KIF26B: variants seen among roughly 807,000 people sequenced by gnomAD.
KIF26B encodes the protein kinesin-like protein KIF26B.
KIF26B carries 63 observed loss-of-function variants against 151.2 expected under a neutral mutation model. The ratio of observed to expected loss-of-function variants is 0.42; its 90% CI spans 0.34 to 0.51. The LOEUF (loss-of-function observed/expected upper bound fraction) is 0.51, where lower values mean the gene tolerates loss of function less well. Ranked by LOEUF, KIF26B falls within the 20% of genes least tolerant of loss-of-function variation. KIF26B has a pLI of 0.07. For synonymous variants in KIF26B, 1,357 were observed against 1,262.1 expected (o/e 1.08, Z -1.59); for missense variants, 2,813 against 2,913.6 (o/e 0.97, Z 0.79).
At chr1:245,388,121 G>C (rs893107576) in intron 3 of KIF26B, among the ~76,000 whole-genome samples, 1 of 152,110 alleles carries the variant, frequency 6.6e-6, no homozygotes, top group Non-Finnish European at 1.5e-5. Flanking sequence ...CGTGACAGAG[G>C]TGTTTTGGGT....
intron 12 of KIF26B, among the ~76,000 whole-genome samples, chr1:245,695,519 G>A (rs956289292): frequency 1.3e-5 from 2 of 152,126 alleles, no homozygotes; most frequent in Non-Finnish European, 2.9e-5. Flanking sequence ...AGAATTTTAC[G>A]AAAATCCAAG....
At chr1:245,437,222 G>T (rs1002094348) in intron 4 of KIF26B, among the ~76,000 whole-genome samples, 2 of 152,128 alleles carry the variant, frequency 1.3e-5, no homozygotes, top group Non-Finnish European at 2.9e-5. Flanking sequence ...GGCTACTGAG[G>T]TGTTGCACCT....
At chr1:245,575,913 A>G (rs538619689) in intron 5 of KIF26B, among the ~76,000 whole-genome samples, 1 of 152,142 alleles carries the variant, frequency 6.6e-6, no homozygotes, top group South Asian at 2.1e-4. Context: ...CCTGGCATTT[A>G]CTTAAGACAT....
chr1:245,447,396 T>C (rs567729187), intron 4 of KIF26B, among the ~76,000 whole-genome samples: 3 of 152,206 alleles, frequency 2.0e-5, no homozygotes, highest in Non-Finnish European at 2.9e-5. Context: ...AGGACTGCTA[T>C]GGTCTGAATG....
intron 2 of KIF26B, among the ~76,000 whole-genome samples, chr1:245,312,841 C>G (rs560919291): frequency 2.3e-4 from 35 of 152,106 alleles, no homozygotes; most frequent in Non-Finnish European, 4.7e-4. Context: ...ATAATAGTAT[C>G]TGCAAGAGAA....
chr1:245,427,598 G>A (rs1620939), intron 4 of KIF26B, among the ~76,000 whole-genome samples: 34,239 of 151,980 alleles, frequency 0.23, 4,019 homozygotes, highest in African/African-American at 0.25. Flanking sequence ...GCAAGGGTGA[G>A]ACTCTGTCTC....
intron 2 of KIF26B, among the ~76,000 whole-genome samples, chr1:245,202,652 C>T (rs1291887017): frequency 6.6e-6 from 1 of 150,594 alleles, no homozygotes; most frequent in Non-Finnish European, 1.5e-5. Flanking sequence ...CCCAGCTACT[C>T]AGGAGGCTGA....
chr1:245,217,204 A>G (rs1251372777), intron 2 of KIF26B, among the ~76,000 whole-genome samples: 1 of 152,142 alleles, frequency 6.6e-6, no homozygotes, highest in Non-Finnish European at 1.5e-5. Context: ...AAACAACAAC[A>G]ATGACAAGAA....
chr1:245,252,130 G>T (rs769307618), intron 2 of KIF26B, among the ~76,000 whole-genome samples: 5 of 151,700 alleles, frequency 3.3e-5, no homozygotes, highest in Admixed American at 1.3e-4. Flanking sequence ...CAAAAAATTA[G>T]CTGGATGTGG....
chr1:245,660,412 T>C (rs781665174), intron 10 of KIF26B, among the ~76,000 whole-genome samples: 2 of 109,554 alleles, frequency 1.8e-5, no homozygotes, highest in Non-Finnish European at 3.9e-5. Context: ...CATAGCTCAC[T>C]GCAGCCTTGA....
rs1553287299 is a variant in KIF26B, at chr1:245,552,122, G to GATGTGTGTGTGTGT, written c.1350+11172_1350+11173insATGTGTGTGTGTGT. Among the ~76,000 whole-genome samples the GATGTGTGTGTGTGT allele has an allele frequency of 8.6e-3, 1,136 of 131,694 alleles. 47 individuals are homozygous for GATGTGTGTGTGTGT. The highest frequency in any genetic ancestry group is 0.012 in the Non-Finnish European group (753 of 61,540). 86.4% of individuals were successfully genotyped at this position (131,694 alleles called of 152,430 possible). ...TTCTCCAGAGAAACAGAACCAGCAG[G>GATGTGTGTGTGTGT]GTGTGTGTGTGTGTGTGTGTGTGTG... On this transcript the variant is annotated intron_variant, in intron 5 of 14. Transcript: ENST00000407071.
intron 10 of KIF26B, among the ~76,000 whole-genome samples, chr1:245,664,359 C>G (rs201568967): frequency 2.8e-5 from 4 of 140,818 alleles, no homozygotes; most frequent in Non-Finnish European, 6.1e-5. Context: ...AACTCCATCT[C>G]AAAAAAAAAA....
In KIF26B at chr1:245,623,595, T is replaced by C. The variant is rs114983086; in HGVS notation, c.2098+11619T>C. Reference sequence around the variant, plus strand: ...TTCGAAATCCGAGATGCTCCAAATCTGAAACTTTGTGAGCGCCAAATGACA... The same window carrying C: ...TTCGAAATCCGAGATGCTCCAAATCCGAAACTTTGTGAGCGCCAAATGACA... On this transcript the variant is annotated intron_variant, in intron 9 of 14. Coordinates refer to ENST00000407071, the MANE Select transcript of KIF26B (RefSeq NM_018012.4). Among the ~76,000 whole-genome samples, 572 of 152,272 alleles carry C rather than the reference T, an allele frequency of 3.8e-3. 5 individuals are homozygous for C. The highest frequency in any genetic ancestry group is 0.013 in the African/African-American group (530 of 41,544).
chr1:245,378,642 C>G (rs1195851354), intron 3 of KIF26B, among the ~76,000 whole-genome samples: 1 of 152,088 alleles, frequency 6.6e-6, no homozygotes, highest in Non-Finnish European at 1.5e-5. Context: ...GGTGAGCAGG[C>G]CAAGGGGGAA....
chr1:245,289,435 C>T (rs1671220164), intron 2 of KIF26B, among the ~76,000 whole-genome samples: 1 of 152,146 alleles, frequency 6.6e-6, no homozygotes, highest in South Asian at 2.1e-4. Flanking sequence ...TTATTAGCTA[C>T]CCTTTGCCTG....
chr1:245,474,414 TGTTGTTG>T (rs1659985202), intron 4 of KIF26B, among the ~76,000 whole-genome samples: 1 of 137,360 alleles, frequency 7.3e-6, no homozygotes, highest in Non-Finnish European at 1.6e-5. Context: ...GGCTTTTTTT[TGTTGTTG>T]TTTTTTTTTT....
chr1:245,546,161 T>G lies in KIF26B; in HGVS notation c.1350+5211T>G, dbSNP rs544196667. Among the ~76,000 whole-genome samples, 105 of 152,332 alleles carry G rather than the reference T, an allele frequency of 6.9e-4. 1 individual carries two copies. The South Asian group carries it at 0.021, about 30-fold the overall frequency. Reference sequence around the variant, plus strand: ...TAGAGGAAGAGGAGAACAAGATTTTTAAAATTAGATTAAAATACTGTGGTT... The same window carrying G: ...TAGAGGAAGAGGAGAACAAGATTTTGAAAATTAGATTAAAATACTGTGGTT... On this transcript the variant is annotated intron_variant, in intron 5 of 14. Transcript: ENST00000407071.
intron 3 of KIF26B, among the ~76,000 whole-genome samples, chr1:245,394,403 A>G (rs1387890748): frequency 6.6e-6 from 1 of 152,138 alleles, no homozygotes; most frequent in African/African-American, 2.4e-5. Context: ...CAGGCAGATC[A>G]CCTGAGGTCA....
chr1:245,268,993 T>C (rs376234026), intron 2 of KIF26B, among the ~76,000 whole-genome samples: 3 of 152,290 alleles, frequency 2.0e-5, no homozygotes, highest in East Asian at 3.9e-4. Flanking sequence ...AAAAGGTGTG[T>C]CCACCTAGAA....
Sources: allele counts gnomAD v4.1 joint callset (sites outside exome capture counted in the v4.1 genomes callset), GRCh38; gene constraint gnomAD v4.1.1; transcripts MANE v1.5; gene names NCBI Gene and HGNC (gene_info 2026-07-23, HGNC 2026-07-21).